Variants in GFPT2 observed in about 807,000 individuals in gnomAD.
The protein encoded by GFPT2 is glutamine--fructose-6-phosphate transaminase 2, also known as glutamine--fructose-6-phosphate aminotransferase [isomerizing] 2.
GFPT2 carries 62 observed loss-of-function variants against 85.6 expected under a neutral mutation model. The ratio of observed to expected loss-of-function variants is 0.72; its 90% confidence interval spans 0.59 to 0.90. GFPT2 has a LOEUF of 0.90. Ranked by LOEUF, GFPT2 falls within the 40% of genes least tolerant of loss-of-function variation. The pLI is 0.00. For missense variants in GFPT2, 788 were observed against 893.4 expected (o/e 0.88, Z 1.50); for synonymous variants, 368 against 344.5 (o/e 1.07, Z -0.75).
At chr5:180,316,228 G>C (rs1764005859) in intron 13 of GFPT2, 113 bp downstream of exon 13, 1 of 1,058,164 alleles carries the variant, frequency 9.5e-7, no homozygotes, top group African/African-American at 1.6e-5. Context: ...CGCTGCAAGA[G>C]AGGGTTCGCA....
intron 1 of GFPT2, among the ~76,000 whole-genome samples, chr5:180,346,417 A>AC (rs1266376339): frequency 6.6e-6 from 1 of 152,054 alleles, no homozygotes; most frequent in Non-Finnish European, 1.5e-5. Flanking sequence ...GCCAAGCCCC[A>AC]CCACGGGACA....
At chr5:180,326,191 A>C (rs1764209185) in intron 7 of GFPT2, among the ~76,000 whole-genome samples, 1 of 152,200 alleles carries the variant, frequency 6.6e-6, no homozygotes, top group Non-Finnish European at 1.5e-5. Context: ...ATGCGCTCTA[A>C]ACCTGCGGTT....
At chr5:180,352,375 T>C (rs1764727680) in intron 1 of GFPT2, 2 of 448,422 alleles carry the variant, frequency 4.5e-6, no homozygotes, top group East Asian at 1.4e-4. Context: ...CAGTGACCTT[T>C]TGTCCCAGCA....
At chr5:180,320,787 A>G (rs1397250206) in intron 9 of GFPT2, among the ~76,000 whole-genome samples, 1 of 152,124 alleles carries the variant, frequency 6.6e-6, no homozygotes, top group Non-Finnish European at 1.5e-5. Flanking sequence ...CTCTCATTCT[A>G]TCAAGAGCCA....
At chr5:180,348,932 G>C (rs993241984) in intron 1 of GFPT2, among the ~76,000 whole-genome samples, 3 of 151,292 alleles carry the variant, frequency 2.0e-5, no homozygotes, top group African/African-American at 7.3e-5. Context: ...AGTAGAGACA[G>C]GGTTTTACCA....
rs199775969 is a variant in GFPT2 at position 180,318,726 on chromosome 5, T to A, written c.958+67A>T. On this transcript the variant is annotated intron_variant, in intron 10 of 18. Transcript: ENST00000253778. This position sits in a 1 kb window ranked among gnomAD's most constrained non-coding sequence, Gnocchi z 4.2. ...TGGCCTCTACTAGGACCAGGCAGAG[T>A]GTCAGGAGCTCCACCAGGCGCGCTG... The A allele has an allele frequency of 6.9e-5, 92 of 1,326,502 alleles. No individual in the cohort carries two copies. Among genetic ancestry groups the A allele is most frequent in the Non-Finnish European group, 8.9e-5 (84 of 941,388 alleles). 82.2% of individuals were successfully genotyped at this position (1,326,502 alleles called of 1,614,324 possible). A position where few individuals can be genotyped will look rare whatever the true frequency, so the allele number is the denominator to read the frequency against.
chr5:180,350,578 G>C (rs975380636), intron 1 of GFPT2, among the ~76,000 whole-genome samples: 1 of 152,174 alleles, frequency 6.6e-6, no homozygotes, highest in African/African-American at 2.4e-5. Flanking sequence ...GTCCCCCAGG[G>C]CCTGGAAAAC....
chr5:180,334,639 T>C (rs573283900), intron 4 of GFPT2, among the ~76,000 whole-genome samples: 6 of 152,184 alleles, frequency 3.9e-5, no homozygotes, highest in Non-Finnish European at 7.3e-5. Context: ...ATGTCTTGGG[T>C]TGGGGGGTCC....
chr5:180,346,875 G>A (rs1483025554), intron 1 of GFPT2, among the ~76,000 whole-genome samples: 9 of 152,236 alleles, frequency 5.9e-5, no homozygotes, highest in African/African-American at 1.4e-4. Flanking sequence ...ACTGGCAGGC[G>A]ACAGGATTTT....
intron 16 of GFPT2, among the ~76,000 whole-genome samples, chr5:180,305,534 T>C (rs1763759566): frequency 6.6e-6 from 1 of 152,188 alleles, no homozygotes. Flanking sequence ...CCGCTAGCAC[T>C]GCTGATTTAG....
chr5:180,328,412 G>A lies in GFPT2; in HGVS notation c.535-74C>T, dbSNP rs567535750. 8.6e-5 allele frequency: 101 copies of A among 1,171,050 alleles called. No homozygotes were observed. In the East Asian group the frequency reaches 1.3e-3, roughly 15 times the overall value. The allele number at this position is 1,171,050 out of a possible 1,614,324, so 72.5% of individuals were successfully genotyped here. On this transcript the variant is annotated intron_variant, in intron 6 of 18. Coordinates refer to ENST00000253778, the MANE Select transcript of GFPT2 (RefSeq NM_005110.4). This position sits in a 1 kb window ranked among gnomAD's most constrained non-coding sequence, Gnocchi z 5.4. The stretch of plus-strand genomic sequence containing the variant: ...TGCAGCCTGGCCACAGCCCAGGTGC[G>A]TCTCCCTGGGCCCCTCCTGATGGCG...
rs1016842327 is a variant in GFPT2, at chr5:180,301,018, T to C, written c.*546A>G. 6.5e-6 allele frequency: 1 copy of C among 153,792 alleles called. No individual in the cohort carries two copies. Among genetic ancestry groups the C allele is most frequent in the African/African-American group, 2.4e-5 (1 of 41,416 alleles). The allele number at this position is 153,792 out of a possible 1,614,324, so 9.5% of individuals were successfully genotyped here. A position where few individuals can be genotyped will look rare whatever the true frequency, so the allele number is the denominator to read the frequency against. ...GCTCCACGGATGTCAGAGAACAGGA[T>C]TCAGGAGCAGCCTAGAGAGGAAAGA... On this transcript the variant is annotated 3_prime_UTR_variant, in exon 19 of 19. Coordinates refer to ENST00000253778, the MANE Select transcript of GFPT2 (RefSeq NM_005110.4).
intron 1 of GFPT2, among the ~76,000 whole-genome samples, chr5:180,345,738 G>A (rs546008687): frequency 3.3e-4 from 51 of 152,278 alleles, no homozygotes; most frequent in Admixed American, 7.8e-4. Context: ...AATCCATGTT[G>A]AGTGAATGAA....
At chr5:180,317,746 A>C (rs4700941) in intron 10 of GFPT2, among the ~76,000 whole-genome samples, 5 of 102,980 alleles carry the variant, frequency 4.9e-5, no homozygotes, top group East Asian at 6.0e-4. Context: ...GCGACAGAGC[A>C]AGACTCCGTC....
chr5:180,327,238 C>T (rs1764224835), intron 7 of GFPT2, among the ~76,000 whole-genome samples: 1 of 152,208 alleles, frequency 6.6e-6, no homozygotes, highest in Non-Finnish European at 1.5e-5. Flanking sequence ...CTCTGTCCGC[C>T]TCTCCACTCC....
chr5:180,302,477 G>A lies in GFPT2; in HGVS notation c.1950C>T (p.Ser650=), dbSNP rs778944244. ...AGGACAGCAGCTGCAGCGGAATCAC[G>A]CTCAGGATGCCCTGGAGGCAGTCCA... is the stretch of plus-strand genomic sequence containing the variant. The part of the protein sequence containing the change: ...HTVDCLQGIL[S]VIPLQLLSFH... Residue 650 remains serine (S), a synonymous_variant, in exon 18 of 19, where the codon AGC becomes AGT. Coordinates refer to ENST00000253778, the MANE Select transcript of GFPT2 (RefSeq NM_005110.4). The A allele has an allele frequency of 8.7e-6, 14 of 1,613,988 alleles. No homozygotes were observed. The highest frequency in any genetic ancestry group is 3.3e-5 in the Admixed American group (2 of 60,004).
intron 13 of GFPT2, among the ~76,000 whole-genome samples, chr5:180,315,233 A>G (rs191978034): frequency 6.1e-4 from 92 of 150,066 alleles, no homozygotes; most frequent in Middle Eastern, 3.4e-3. Flanking sequence ...GCTGGAGTGC[A>G]GTGGCGCGAT....
rs1386806521 is a variant in GFPT2, at chr5:180,328,114, T to C, written c.596+163A>G. 1.3e-5 allele frequency among the ~76,000 whole-genome samples: 2 copies of C among 151,646 alleles called. No homozygotes were observed. Among genetic ancestry groups the C allele is most frequent in the Non-Finnish European group, 2.9e-5 (2 of 67,950 alleles). ...TTCAGAAGTGTAGCACCACCAGCCA[T>C]GGAGATGGTGGGGCGCGGTCCCCGG... On this transcript the variant is annotated intron_variant, in intron 7 of 18. Coordinates refer to ENST00000253778, the MANE Select transcript of GFPT2 (RefSeq NM_005110.4). The surrounding 1 kb of genome is among the most constrained non-coding windows in gnomAD (Gnocchi z 5.4).
intron 9 of GFPT2, among the ~76,000 whole-genome samples, chr5:180,319,736 C>G (rs1362180808): frequency 6.6e-6 from 1 of 152,122 alleles, no homozygotes; most frequent in Non-Finnish European, 1.5e-5. Context: ...ACACCACCAA[C>G]TATGTAGTCT....
Sources: allele counts gnomAD v4.1 joint callset (sites outside exome capture counted in the v4.1 genomes callset), GRCh38; gene constraint gnomAD v4.1.1; non-coding constraint Gnocchi (gnomAD v3.1); transcripts MANE v1.5; gene names NCBI Gene and HGNC (gene_info 2026-07-23, HGNC 2026-07-21).